Variants in EPHA3 observed in about 807,000 individuals in gnomAD.
EPHA3 encodes ephrin type-A receptor 3.
In EPHA3, 42 loss-of-function variants were observed where a neutral mutation model predicts 107.1. That is an observed-to-expected ratio of 0.39 (90% CI 0.31 to 0.51). The LOEUF (loss-of-function observed/expected upper bound fraction) is 0.51, where lower values mean the gene tolerates loss of function less well. EPHA3 is among the 20% of genes least tolerant of loss of function. The probability of loss-of-function intolerance (pLI) is 0.78; values close to 1 mark genes in which losing one functional copy is unlikely to be tolerated. For missense variants in EPHA3, 1,183 were observed against 1,211.2 expected, an observed-to-expected ratio of 0.98 and a Z score of 0.35; for synonymous variants, 461 against 424.8, an observed-to-expected ratio of 1.09 and a Z score of -1.05.
intron 3 of EPHA3, among the ~76,000 whole-genome samples, chr3:89,249,237 C>T (rs186410086): frequency 6.6e-6 from 1 of 152,286 alleles, no homozygotes; most frequent in East Asian, 1.9e-4. Context: ...TCTCCTTCCT[C>T]ATTATTTTAT....
At chr3:89,189,705 C>A (rs1705657166) in intron 2 of EPHA3, among the ~76,000 whole-genome samples, 1 of 152,314 alleles carries the variant, frequency 6.6e-6, no homozygotes, top group East Asian at 1.9e-4. Context: ...TATTGCTCCC[C>A]TGACAAATTC....
intron 3 of EPHA3, among the ~76,000 whole-genome samples, chr3:89,239,479 T>C (rs1333885990): frequency 2.0e-5 from 3 of 152,180 alleles, no homozygotes; most frequent in South Asian, 2.1e-4. Context: ...TATTATATCT[T>C]GCTGCTGGTG....
chr3:89,443,049 T>C (rs1329210890), intron 13 of EPHA3, among the ~76,000 whole-genome samples: 1 of 152,224 alleles, frequency 6.6e-6, no homozygotes, highest in East Asian at 1.9e-4. Context: ...ATATATCAGA[T>C]ATTTTAGTCA....
intron 3 of EPHA3, among the ~76,000 whole-genome samples, chr3:89,262,604 C>A (rs901403572): frequency 3.3e-5 from 5 of 152,192 alleles, no homozygotes; most frequent in Non-Finnish European, 5.9e-5. Context: ...CTGCAAAGAC[C>A]TTTTTGAAGC....
At chr3:89,230,078 A>G (rs1704594056) in intron 3 of EPHA3, among the ~76,000 whole-genome samples, 2 of 152,218 alleles carry the variant, frequency 1.3e-5, no homozygotes, top group South Asian at 4.1e-4. Context: ...AATAAAAGTT[A>G]GAAATTTACA....
intron 11 of EPHA3, among the ~76,000 whole-genome samples, chr3:89,423,889 T>A: frequency 6.6e-6 from 1 of 151,476 alleles, no homozygotes; most frequent in Admixed American, 6.6e-5. Flanking sequence ...GAGCACGATT[T>A]GTGTGTGCCC....
chr3:89,363,178 A>G (rs1385835885), intron 5 of EPHA3, among the ~76,000 whole-genome samples: 1 of 150,934 alleles, frequency 6.6e-6, no homozygotes, highest in Admixed American at 6.7e-5. Flanking sequence ...GACTGTGTGT[A>G]TCTATCTATC....
At chr3:89,446,946 T>A (rs1709888311) in intron 13 of EPHA3, among the ~76,000 whole-genome samples, 1 of 152,172 alleles carries the variant, frequency 6.6e-6, no homozygotes, top group Non-Finnish European at 1.5e-5. Context: ...ACCTCCCTTG[T>A]CCTATGAATA....
chr3:89,373,790 T>TGTCC (rs1708350535), intron 5 of EPHA3, among the ~76,000 whole-genome samples: 1 of 151,820 alleles, frequency 6.6e-6, no homozygotes, highest in Non-Finnish European at 1.5e-5. Context: ...AGGCTTCTAT[T>TGTCC]TGTGGGTTTG....
intron 3 of EPHA3, among the ~76,000 whole-genome samples, chr3:89,236,402 A>T (rs1401271399): frequency 6.6e-6 from 1 of 152,152 alleles, no homozygotes; most frequent in Non-Finnish European, 1.5e-5. Context: ...TTAATAACAA[A>T]TGACATTAAA....
chr3:89,283,468 G>A lies in EPHA3; in HGVS notation c.815-57448G>A, dbSNP rs183454247. 2.2e-4 allele frequency among the ~76,000 whole-genome samples: 33 copies of A among 152,110 alleles called. No individual in the cohort carries two copies. The East Asian group carries it at 5.0e-3, about 23-fold the overall frequency. On this transcript the variant is annotated intron_variant, in intron 3 of 16. Transcript: ENST00000336596. ...AAACTGAATTACGTATTTTTACTTC[G>A]TAGAAAACTTCTGGCTAATTTTCTG...
At chr3:89,314,132 A>G (rs1344184106) in intron 3 of EPHA3, among the ~76,000 whole-genome samples, 1 of 151,944 alleles carries the variant, frequency 6.6e-6, no homozygotes, top group African/African-American at 2.4e-5. Context: ...CAGAAGTCAA[A>G]TATGTTTTGA....
chr3:89,298,918 G>C (rs1471911910), intron 3 of EPHA3, among the ~76,000 whole-genome samples: 1 of 152,034 alleles, frequency 6.6e-6, no homozygotes. Context: ...CTATCATCAT[G>C]AAGATGATAA....
chr3:89,124,858 A>G lies in EPHA3; in HGVS notation c.89-2351A>G, dbSNP rs146442823. 1.2e-3 allele frequency among the ~76,000 whole-genome samples: 185 copies of G among 152,104 alleles called. 2 individuals are homozygous for G. Among genetic ancestry groups the G allele is most frequent in the African/African-American group, 3.5e-3 (144 of 41,576 alleles). Reference sequence around the variant, plus strand: ...AAAATTTAATTTCTGAGTAAATGCAATAAATTTAATTAATCTTCTACACTT... The same window carrying G: ...AAAATTTAATTTCTGAGTAAATGCAGTAAATTTAATTAATCTTCTACACTT... On this transcript the variant is annotated intron_variant, in intron 1 of 16. Transcript: ENST00000336596.
chr3:89,361,169 G>T (rs1398196), intron 5 of EPHA3, among the ~76,000 whole-genome samples: 2 of 151,014 alleles, frequency 1.3e-5, no homozygotes, highest in African/African-American at 2.4e-5. Context: ...TTGGAAAAAA[G>T]ATGCCATTAG....
chr3:89,173,267 G>T (rs1026485346), intron 2 of EPHA3, among the ~76,000 whole-genome samples: 2 of 151,898 alleles, frequency 1.3e-5, no homozygotes, highest in Non-Finnish European at 2.9e-5. Flanking sequence ...TTTTTTGTCA[G>T]AGGTATTCTA....
rs1706236092 is a variant in EPHA3 at position 89,210,135 on chromosome 3, T to G, written c.429T>G (p.Ile143Met). The change falls in exon 3 of 17, where the codon ATT becomes ATG. Residue 143 changes from isoleucine (I) to methionine (M), a missense_variant. Physicochemically the swap from Ile to Met is conservative, Grantham distance 10. Transcript: ENST00000336596. ...TTCGAGAGCATCAGTTTACAAAGAT[T>G]GACACCATTGCAGCTGATGAAAGTT... is the stretch of plus-strand genomic sequence containing the variant. ...VKFREHQFTK[I>M]DTIAADESFT... is the part of the protein sequence containing the mutation. 1 of 1,613,876 alleles carries G rather than the reference T, an allele frequency of 6.2e-7. No homozygotes were observed. The highest frequency in any genetic ancestry group is 8.5e-7 in the Non-Finnish European group (1 of 1,179,920).
In EPHA3 at chr3:89,199,860, C is replaced by A. The variant is rs1262355970; in HGVS notation, c.154-10000C>A. On this transcript the variant is annotated intron_variant, in intron 2 of 16. Transcript: ENST00000336596. ...GCCTCATGTAGCCAAAAGCACACTT[C>A]TGTCTGTACTTTGTATAATTTTGAC... Among the ~76,000 whole-genome samples the A allele has an allele frequency of 4.6e-5, 7 of 152,294 alleles. No homozygotes were observed. In the East Asian group the frequency reaches 9.7e-4, roughly 21 times the overall value.
intron 3 of EPHA3, among the ~76,000 whole-genome samples, chr3:89,211,042 G>T (rs1428321848): frequency 6.6e-6 from 1 of 152,006 alleles, no homozygotes; most frequent in Non-Finnish European, 1.5e-5. Context: ...GCTTTTAGAA[G>T]ATTATTTGAT....
Sources: gnomAD v4.1 joint callset for allele counts (sites outside exome capture counted in the v4.1 genomes callset) on GRCh38, gnomAD v4.1.1 for gene constraint, MANE v1.5 for transcripts, NCBI Gene and HGNC (gene_info 2026-07-23, HGNC 2026-07-21) for gene names.